The following GPR15LG variants were observed in gnomAD, a reference collection of about 807,000 sequenced individuals.
GPR15LG encodes the protein protein GPR15LG.
At chr10:84,177,536 C>T in the GPR15LG span, among the ~76,000 whole-genome samples, 1 of 152,240 alleles carries the variant, frequency 6.6e-6, no homozygotes, top group Non-Finnish European at 1.5e-5. Context: ...AGCCTCCATG[C>T]CTTTCCCAGC....
the GPR15LG span, among the ~76,000 whole-genome samples, chr10:84,183,018 A>G: frequency 6.7e-6 from 1 of 149,638 alleles, no homozygotes; most frequent in Admixed American, 6.7e-5. Flanking sequence ...CAAAGCACTT[A>G]CCAATAGAAA....
the GPR15LG span, chr10:84,184,917 C>T: frequency 8.4e-5 from 124 of 1,483,898 alleles, no homozygotes; most frequent in Non-Finnish European, 1.0e-4. Context: ...TGGGAAAGTT[C>T]CAGAACTCCA....
At chr10:84,174,067 A>G in the GPR15LG span, 2 of 666,708 alleles carry the variant, frequency 3.0e-6, no homozygotes, top group Admixed American at 5.3e-5. Flanking sequence ...TTTCTCCTGA[A>G]CCTATAGGTT....
At chr10:84,177,705 C>T in the GPR15LG span, among the ~76,000 whole-genome samples, 168 of 152,308 alleles carry the variant, frequency 1.1e-3, no homozygotes, top group African/African-American at 3.9e-3. Context: ...CCAGCTCTCA[C>T]ACACCTCTTG....
chr10:84,181,471 G>A, the GPR15LG span, among the ~76,000 whole-genome samples: 1 of 152,278 alleles, frequency 6.6e-6, no homozygotes, highest in African/African-American at 2.4e-5. Flanking sequence ...AGTCACCCAG[G>A]CTGGAGTGCA....
chr10:84,176,582 AC>A, the GPR15LG span: 2 of 1,602,424 alleles, frequency 1.2e-6, no homozygotes, highest in Non-Finnish European at 1.7e-6. Flanking sequence ...AAGTACCCCC[AC>A]CTCGTCCAGA....
chr10:84,185,136 G>T, the GPR15LG span: 1 of 1,047,992 alleles, frequency 9.5e-7, no homozygotes, highest in Non-Finnish European at 1.2e-6. Flanking sequence ...AGACTGCAGA[G>T]TCTCCTCCAT....
chr10:84,184,968 A>AAAGT, the GPR15LG span: 27 of 1,421,180 alleles, frequency 1.9e-5, no homozygotes, highest in Non-Finnish European at 2.3e-5. Flanking sequence ...CAGAGCTATC[A>AAAGT]TGAGCCAACC....
the GPR15LG span, among the ~76,000 whole-genome samples, chr10:84,182,566 G>A: frequency 5.3e-5 from 8 of 152,288 alleles, no homozygotes; most frequent in Admixed American, 3.3e-4. Flanking sequence ...CATGCTCTTC[G>A]CAGGCGAGCC....
chr10:84,183,588 T>C, the GPR15LG span, among the ~76,000 whole-genome samples: 3 of 152,176 alleles, frequency 2.0e-5, no homozygotes, highest in Admixed American at 1.3e-4. Context: ...CACAGGGTTT[T>C]GTCCCCATGA....
At chr10:84,177,825 A>G in the GPR15LG span, among the ~76,000 whole-genome samples, 1 of 152,164 alleles carries the variant, frequency 6.6e-6, no homozygotes, top group Admixed American at 6.5e-5. Context: ...CCTTCCAGAG[A>G]GAGGTGGAGG....
the GPR15LG span, chr10:84,185,009 T>A: frequency 1.1e-4 from 148 of 1,357,246 alleles, no homozygotes; most frequent in Admixed American, 5.5e-4. Flanking sequence ...CGCCACCATG[T>A]GGGCCTCTCC....
the GPR15LG span, among the ~76,000 whole-genome samples, chr10:84,174,617 C>A: frequency 6.6e-6 from 1 of 151,712 alleles, no homozygotes; most frequent in Non-Finnish European, 1.5e-5. Context: ...CTCAGCCTCC[C>A]AAGTAGCTGA....
chr10:84,176,553 C>T, the GPR15LG span: 13 of 1,613,696 alleles, frequency 8.1e-6, no homozygotes, highest in South Asian at 1.2e-4. Flanking sequence ...CTAGCCCCAA[C>T]TCAACAAACC....
At chr10:84,174,481 T>G in the GPR15LG span, among the ~76,000 whole-genome samples, 15 of 140,204 alleles carry the variant, frequency 1.1e-4, no homozygotes, top group South Asian at 3.4e-3. Flanking sequence ...TCTCTTGCCC[T>G]TTTTTCTTTT....
chr10:84,174,171 C>T, the GPR15LG span, among the ~76,000 whole-genome samples: 11 of 152,200 alleles, frequency 7.2e-5, no homozygotes, highest in African/African-American at 2.2e-4. Flanking sequence ...GTGGTGTGTT[C>T]GCCATGCAAA....
At chr10:84,182,581 C>G in the GPR15LG span, among the ~76,000 whole-genome samples, 1 of 152,214 alleles carries the variant, frequency 6.6e-6, no homozygotes, top group South Asian at 2.1e-4. Context: ...CGAGCCCAGA[C>G]TGTTCACGTG....
the GPR15LG span, among the ~76,000 whole-genome samples, chr10:84,179,065 G>A: frequency 6.6e-6 from 1 of 152,220 alleles, no homozygotes; most frequent in East Asian, 1.9e-4. Flanking sequence ...GCCGGTGTAT[G>A]AAGACATGCG....
chr10:84,180,295 A>G, the GPR15LG span, among the ~76,000 whole-genome samples: 1 of 152,244 alleles, frequency 6.6e-6, no homozygotes. Context: ...CACAGACACA[A>G]TAACAATCTG....
Sources: gnomAD v4.1 joint callset for allele counts (sites outside exome capture counted in the v4.1 genomes callset) on GRCh38, gnomAD v4.1.1 for gene constraint, MANE v1.5 for transcripts, NCBI Gene and HGNC (gene_info 2026-07-23, HGNC 2026-07-21) for gene names.